Variants in HDAC4 observed in about 807,000 individuals in gnomAD.
HDAC4 encodes histone deacetylase A.
Under a neutral mutation model 135.1 loss-of-function variants are expected in HDAC4, and 16 were observed. The observed-to-expected ratio is 0.12, with a 90% CI of 0.08 to 0.18. The LOEUF (loss-of-function observed/expected upper bound fraction) is 0.18. Among genes scored for constraint, HDAC4 ranks in the 10% least tolerant of loss-of-function variants. HDAC4 has a pLI of 1.00. For missense variants in HDAC4, 1,143 were observed against 1,511.8 expected, an observed-to-expected ratio of 0.76 and a Z score of 4.05; for synonymous variants, 685 against 653.4, an observed-to-expected ratio of 1.05 and a Z score of -0.74.
At chr2:239,161,038 C>T (rs2042760089) in intron 6 of HDAC4, among the ~76,000 whole-genome samples, 1 of 152,192 alleles carries the variant, frequency 6.6e-6, no homozygotes, top group African/African-American at 2.4e-5. Context: ...TACCTGATGA[C>T]CAGCCATCTT....
chr2:239,086,711 G>A (rs1420527018), intron 19 of HDAC4, among the ~76,000 whole-genome samples: 1 of 152,220 alleles, frequency 6.6e-6, no homozygotes, highest in African/African-American at 2.4e-5. Context: ...GCCACAGCCT[G>A]ATAGTGAACT....
At chr2:239,363,886 C>T (rs1694008858) in intron 1 of HDAC4, among the ~76,000 whole-genome samples, 1 of 152,146 alleles carries the variant, frequency 6.6e-6, no homozygotes, top group Non-Finnish European at 1.5e-5. Context: ...AAAAGGCAGA[C>T]AACCTGAATG....
chr2:239,088,937 C>T (rs1217295771), intron 18 of HDAC4, among the ~76,000 whole-genome samples: 2 of 152,104 alleles, frequency 1.3e-5, no homozygotes, highest in Non-Finnish European at 2.9e-5. Context: ...CATGTAACTC[C>T]GTGAAGCTAA....
Position 239,309,727 on chromosome 2 carries a change from G to A in HDAC4, c.22+42951C>T, listed in dbSNP as rs749621427. On this transcript the variant is annotated intron_variant, in intron 2 of 26. Coordinates refer to ENST00000543185, the MANE Select transcript of HDAC4 (RefSeq NM_001378414.1). This position sits in a 1 kb window ranked among gnomAD's most constrained non-coding sequence, Gnocchi z 4.2. ...TCCTGGGAGCTGGGGGGCCTCAAGG[G>A]AGGCAATCCCCCCACACACCATCCC... is the stretch of plus-strand genomic sequence containing the variant. 2.6e-5 allele frequency among the ~76,000 whole-genome samples: 4 copies of A among 152,210 alleles called. No homozygotes were observed. Among genetic ancestry groups the A allele is most frequent in the Admixed American group, 6.5e-5 (1 of 15,290 alleles).
intron 3 of HDAC4, among the ~76,000 whole-genome samples, chr2:239,228,182 T>C (rs1431249584): frequency 6.6e-6 from 1 of 152,140 alleles, no homozygotes; most frequent in African/African-American, 2.4e-5. Flanking sequence ...GCCAGACACT[T>C]GCCCTTGCTG....
intron 2 of HDAC4, among the ~76,000 whole-genome samples, chr2:239,276,270 G>A (rs752161757): frequency 1.2e-4 from 19 of 152,234 alleles, no homozygotes; most frequent in African/African-American, 3.4e-4. Flanking sequence ...CCCTTGGCAA[G>A]TATGCCTTGG....
chr2:239,298,481 C>T, intron 2 of HDAC4: 1 of 1,130,234 alleles, frequency 8.8e-7, no homozygotes, highest in Non-Finnish European at 1.1e-6. Flanking sequence ...CTATTACAAT[C>T]ACACTGTCAC....
chr2:239,223,162 C>T (rs1221106012), intron 3 of HDAC4, among the ~76,000 whole-genome samples: 1 of 152,236 alleles, frequency 6.6e-6, no homozygotes, highest in Non-Finnish European at 1.5e-5. Flanking sequence ...TCCTTCTTAG[C>T]AACCTCCAAA....
rs1217611045 is a variant in HDAC4 at position 239,170,442 on chromosome 2, AG to A, written c.490+5970del. Among the ~76,000 whole-genome samples the A allele has an allele frequency of 3.9e-5, 6 of 152,370 alleles. No homozygotes were observed. The Middle Eastern group carries it at 0.014, about 346-fold the overall frequency. ...TTTGGAAAAACTTCAAATCTAGTGC[AG>A]ATTAATTAAAAGCAAAATGCCAATT... On this transcript the variant is annotated intron_variant, in intron 5 of 26. Coordinates refer to ENST00000543185, the MANE Select transcript of HDAC4 (RefSeq NM_001378414.1).
chr2:239,217,889 T>C (rs2046730738), intron 3 of HDAC4, among the ~76,000 whole-genome samples: 1 of 152,144 alleles, frequency 6.6e-6, no homozygotes, highest in Non-Finnish European at 1.5e-5. Flanking sequence ...GCCAGAAGTT[T>C]GAGACCAACC....
At chr2:239,080,779 C>G (rs1386946672) in intron 22 of HDAC4, 1 of 364,018 alleles carries the variant, frequency 2.7e-6, no homozygotes, top group Non-Finnish European at 5.0e-6. Flanking sequence ...TCTTTGCCTT[C>G]GTTTCTCATG....
rs890732137 is a variant in HDAC4 at position 239,369,697 on chromosome 2, C to T, written c.-219-16779G>A. 1.3e-4 allele frequency among the ~76,000 whole-genome samples: 20 copies of T among 152,184 alleles called. 1 individual carries two copies. Among genetic ancestry groups the T allele is most frequent in the Admixed American group, 2.6e-4 (4 of 15,278 alleles). Reference sequence around the variant, plus strand: ...ACTCATGAAGTCAAGAAGTGTTCAACACAGCGCCTCGGAAGCCAGGTTGCT... The same window carrying T: ...ACTCATGAAGTCAAGAAGTGTTCAATACAGCGCCTCGGAAGCCAGGTTGCT... On this transcript the variant is annotated intron_variant, in intron 1 of 26. Coordinates refer to ENST00000543185, the MANE Select transcript of HDAC4 (RefSeq NM_001378414.1).
intron 13 of HDAC4, 69 bp downstream of exon 13, chr2:239,114,984 A>T (rs2152808862): frequency 6.3e-7 from 1 of 1,581,318 alleles, no homozygotes; most frequent in Non-Finnish European, 8.6e-7. Flanking sequence ...TCACCACAGA[A>T]GATGCCACCT....
At chr2:239,142,491 C>T (rs987120719) in intron 8 of HDAC4, among the ~76,000 whole-genome samples, 2 of 152,260 alleles carry the variant, frequency 1.3e-5, no homozygotes, top group African/African-American at 4.8e-5. Context: ...CCGCCAAGTC[C>T]CAGTGCAAAT....
chr2:239,153,748 G>A (rs2042254902), intron 7 of HDAC4, among the ~76,000 whole-genome samples: 1 of 152,230 alleles, frequency 6.6e-6, no homozygotes, highest in South Asian at 2.1e-4. Context: ...GAGTTGGAGG[G>A]TGGTGCTATC....
At chr2:239,213,773 T>C (rs1012739766) in intron 3 of HDAC4, among the ~76,000 whole-genome samples, 10 of 152,140 alleles carry the variant, frequency 6.6e-5, no homozygotes, top group African/African-American at 2.4e-4. Flanking sequence ...AGGGACAGAG[T>C]GAGCCTTCAT....
chr2:239,314,461 AG>A (rs1383073306), intron 2 of HDAC4, among the ~76,000 whole-genome samples: 2 of 152,192 alleles, frequency 1.3e-5, no homozygotes, highest in African/African-American at 4.8e-5. Flanking sequence ...TTTGCCAAAA[AG>A]GGGGATTAGA....
At chr2:239,269,028 T>C (rs1575572672) in intron 2 of HDAC4, among the ~76,000 whole-genome samples, 2 of 152,296 alleles carry the variant, frequency 1.3e-5, no homozygotes, top group Non-Finnish European at 2.9e-5. Flanking sequence ...GGAGCTACCA[T>C]TGGAAACGTT....
chr2:239,389,834 A>T (rs1575799880), intron 1 of HDAC4, among the ~76,000 whole-genome samples: 1 of 152,172 alleles, frequency 6.6e-6, no homozygotes, highest in East Asian at 1.9e-4. Context: ...CTTCTGGAAG[A>T]GGCATGTCCA....
Sources: gnomAD v4.1 joint callset for allele counts (sites outside exome capture counted in the v4.1 genomes callset) on GRCh38, gnomAD v4.1.1 for gene constraint, Gnocchi (gnomAD v3.1) non-coding constraint, MANE v1.5 for transcripts, NCBI Gene and HGNC (gene_info 2026-07-23, HGNC 2026-07-21) for gene names.